The following NLGN4X variants were observed in gnomAD, a reference collection of about 807,000 sequenced individuals.
The protein encoded by NLGN4X is neuroligin-4, X-linked.
NLGN4X carries 3 observed loss-of-function variants against 40.3 expected under a neutral mutation model. The observed-to-expected ratio is 0.07, with a 90% CI of 0.03 to 0.19. The LOEUF (loss-of-function observed/expected upper bound fraction) is 0.19. Among genes scored for constraint, NLGN4X ranks in the 10% least tolerant of loss-of-function variants. The probability of loss-of-function intolerance (pLI) is 1.00; values close to 1 mark genes in which losing one functional copy is unlikely to be tolerated. For synonymous variants in NLGN4X, 270 were observed against 306.8 expected, an observed-to-expected ratio of 0.88 and a Z score of 1.25; for missense variants, 382 against 708.3, an observed-to-expected ratio of 0.54 and a Z score of 5.23.
At chrX:6,109,744 C>A (rs773844415) in intron 2 of NLGN4X, among the ~76,000 whole-genome samples, 28 of 111,333 alleles carry the variant, frequency 2.5e-4, no homozygotes, top group Admixed American at 2.3e-3. Context: ...GCAGTCTGAG[C>A]GAAAAAATAA....
At chrX:6,016,504 T>C (rs911465551) in intron 3 of NLGN4X, among the ~76,000 whole-genome samples, 2 of 112,338 alleles carry the variant, frequency 1.8e-5, no homozygotes, top group African/African-American at 6.5e-5. Flanking sequence ...TTAAAACTTT[T>C]GTGCATTGAT....
intron 1 of NLGN4X, among the ~76,000 whole-genome samples, chrX:6,176,327 G>A (rs2040733832): frequency 1.8e-5 from 2 of 112,578 alleles, no homozygotes; most frequent in African/African-American, 6.5e-5. Context: ...ACAACCCTGA[G>A]TAAGTGATTT....
At chrX:6,037,735 G>A (rs1169286413) in intron 2 of NLGN4X, among the ~76,000 whole-genome samples, 1 of 102,742 alleles carries the variant, frequency 9.7e-6, no homozygotes, top group African/African-American at 3.6e-5. Flanking sequence ...TTCCACACAG[G>A]GAAAGTTGCA....
At position 6,095,803 on chromosome X, in the gene NLGN4X, C is replaced by A. The variant is rs1921945; in HGVS notation, c.472+55192G>T. On this transcript the variant is annotated intron_variant, in intron 2 of 5. Transcript: ENST00000381095. ...AGGAGTGCTGCTAAACATCTTACAACGCACAGGAAGCGCCCCAAAAGTTTT... is the reference window on the plus strand; with the variant it reads ...AGGAGTGCTGCTAAACATCTTACAAAGCACAGGAAGCGCCCCAAAAGTTTT... Among the ~76,000 whole-genome samples, 662 of 110,936 alleles carry A rather than the reference C, an allele frequency of 6.0e-3. 1 individual carries two copies. The highest frequency in any genetic ancestry group is 0.01 in the Non-Finnish European group (531 of 52,925).
intron 1 of NLGN4X, among the ~76,000 whole-genome samples, chrX:6,207,681 T>G: frequency 8.9e-6 from 1 of 112,212 alleles, no homozygotes; most frequent in Non-Finnish European, 1.9e-5. Flanking sequence ...TCCCAGACTT[T>G]TAGAAATTTG....
chrX:6,144,342 T>A (rs2040005681), intron 2 of NLGN4X, among the ~76,000 whole-genome samples: 1 of 111,155 alleles, frequency 9.0e-6, no homozygotes, highest in African/African-American at 3.3e-5. Context: ...ACTTTTGTTT[T>A]CAGAGTAATA....
chrX:6,082,976 T>TTTTTTTTTTG, intron 2 of NLGN4X, among the ~76,000 whole-genome samples: 1 of 86,960 alleles, frequency 1.1e-5, no homozygotes, highest in East Asian at 3.3e-4. Context: ...TTTTTTTTTT[T>TTTTTTTTTTG]TGAGACGGAG....
rs753613708 is a variant in NLGN4X, at chrX:5,902,931, C to T, written c.1601+146G>A. 38 of 650,517 alleles carry T rather than the reference C, an allele frequency of 5.8e-5. No homozygotes were observed. The South Asian group carries it at 6.3e-4, about 11-fold the overall frequency. The allele number at this position is 650,517 out of a possible 1,213,427, so 53.6% of individuals were successfully genotyped here. On this transcript the variant is annotated intron_variant, in intron 5 of 5. Coordinates refer to ENST00000381095, the MANE Select transcript of NLGN4X (RefSeq NM_181332.3). ...TGCCTGTTACTGCTGTGTGTGTAAG[C>T]GTGTGTCTGTGTGTATGTGTGTGCA...
chrX:6,082,900 G>T (rs1460532211), intron 2 of NLGN4X, among the ~76,000 whole-genome samples: 1 of 108,340 alleles, frequency 9.2e-6, no homozygotes, highest in African/African-American at 3.4e-5. Flanking sequence ...CTGTCCCAAG[G>T]GTCTTAGGTT....
At chrX:5,972,767 C>T (rs866663689) in intron 3 of NLGN4X, among the ~76,000 whole-genome samples, 2 of 208 alleles carry the variant, frequency 9.6e-3, no homozygotes, top group Non-Finnish European at 0.03. Context: ...GGGGCGGGGG[C>T]GGGGTGGGGG....
intron 3 of NLGN4X, among the ~76,000 whole-genome samples, chrX:5,961,859 A>C (rs143180064): frequency 0.013 from 1,482 of 112,435 alleles, 15 homozygotes; most frequent in Non-Finnish European, 0.019. Flanking sequence ...ACATTAAAAA[A>C]TATATGATTT....
chrX:5,981,145 G>A (rs2035375928), intron 3 of NLGN4X, among the ~76,000 whole-genome samples: 1 of 110,620 alleles, frequency 9.0e-6, no homozygotes, highest in Non-Finnish European at 1.9e-5. Context: ...CTACTCTATA[G>A]TTGATATATG....
At chrX:6,068,872 A>G (rs971696265) in intron 2 of NLGN4X, among the ~76,000 whole-genome samples, 2 of 112,625 alleles carry the variant, frequency 1.8e-5, no homozygotes, top group Admixed American at 1.9e-4. Context: ...ATAGTTCTCT[A>G]TCACCAAGTA....
intron 3 of NLGN4X, among the ~76,000 whole-genome samples, chrX:5,981,354 T>C (rs1362521132): frequency 9.1e-6 from 1 of 109,825 alleles, no homozygotes; most frequent in Non-Finnish European, 1.9e-5. Flanking sequence ...AGTTTTTCAA[T>C]GGAAATTTGA....
chrX:6,072,347 C>T (rs1333978684), intron 2 of NLGN4X, among the ~76,000 whole-genome samples: 2 of 111,102 alleles, frequency 1.8e-5, no homozygotes, highest in Admixed American at 1.9e-4. Flanking sequence ...GTGAGGTTTA[C>T]GTTTTACCTG....
intron 3 of NLGN4X, among the ~76,000 whole-genome samples, chrX:5,978,226 A>G (rs1175290359): frequency 8.9e-6 from 1 of 112,416 alleles, no homozygotes; most frequent in East Asian, 2.8e-4. Context: ...GAAATTTTAT[A>G]ACTAAAGCTG....
At chrX:5,995,022 T>C (rs1395222958) in intron 3 of NLGN4X, among the ~76,000 whole-genome samples, 6 of 112,565 alleles carry the variant, frequency 5.3e-5, no homozygotes, top group African/African-American at 1.9e-4. Flanking sequence ...GAGAATACTT[T>C]TGGCAATATT....
intron 1 of NLGN4X, among the ~76,000 whole-genome samples, chrX:6,224,998 A>ATG (rs1371219954): frequency 5.6e-5 from 3 of 53,714 alleles, no homozygotes; most frequent in Non-Finnish European, 1.0e-4. Flanking sequence ...ATATATATAT[A>ATG]TATATATATA....
intron 1 of NLGN4X, among the ~76,000 whole-genome samples, chrX:6,160,440 CAAAT>C (rs2040360225): frequency 1.8e-5 from 2 of 111,433 alleles, no homozygotes; most frequent in African/African-American, 6.5e-5. Context: ...TTGTACTGTA[CAAAT>C]AATCTTCTTC....
Sources: gnomAD v4.1 joint callset for allele counts (sites outside exome capture counted in the v4.1 genomes callset) on GRCh38, gnomAD v4.1.1 for gene constraint, MANE v1.5 for transcripts, NCBI Gene and HGNC (gene_info 2026-07-23, HGNC 2026-07-21) for gene names.